Variants in FMN1 observed in about 807,000 individuals in gnomAD.
FMN1 encodes formin-1.
Under a neutral mutation model 132.4 loss-of-function variants are expected in FMN1, and 110 were observed. The ratio of observed to expected loss-of-function variants is 0.83; its 90% CI spans 0.71 to 0.97. The LOEUF (loss-of-function observed/expected upper bound fraction) is 0.97, where lower values mean the gene tolerates loss of function less well. Ranked by LOEUF, FMN1 falls within the 50% of genes least tolerant of loss-of-function variation. The probability of loss-of-function intolerance (pLI) is 0.00; values close to 1 mark genes in which losing one functional copy is unlikely to be tolerated. For synonymous variants in FMN1, 722 were observed against 651.7 expected, an observed-to-expected ratio of 1.11 and a Z score of -1.64; for missense variants, 1,792 against 1,705.3, an observed-to-expected ratio of 1.05 and a Z score of -0.90.
In FMN1 at chr15:32,770,833, A is replaced by T. The variant is rs1006508355; in HGVS notation, c.*3477T>A. ...TTATTCCACTTCTCAGATTTCAGAA[A>T]ATCTTTATAATTCCTGAGTAGTTGC... On this transcript the variant is annotated 3_prime_UTR_variant, in exon 21 of 21. Coordinates refer to ENST00000616417, the MANE Select transcript of FMN1 (RefSeq NM_001277313.2). 2.7e-5 allele frequency: 4 copies of T among 148,102 alleles called. No homozygotes were observed. Among genetic ancestry groups the T allele is most frequent in the Non-Finnish European group, 4.5e-5 (3 of 67,234 alleles). The allele number at this position is 148,102 out of a possible 1,614,324, so 9.2% of individuals were successfully genotyped here.
chr15:33,163,348 G>T (rs1324965440), intron 3 of FMN1, among the ~76,000 whole-genome samples: 1 of 150,434 alleles, frequency 6.6e-6, no homozygotes, highest in Non-Finnish European at 1.5e-5. Flanking sequence ...AGGCTGGAGC[G>T]CAATGGCACA....
intron 7 of FMN1, among the ~76,000 whole-genome samples, chr15:32,971,381 G>A (rs2031777241): frequency 6.6e-6 from 1 of 152,176 alleles, no homozygotes; most frequent in South Asian, 2.1e-4. Flanking sequence ...GATAAGCAAA[G>A]TACTGCAAAT....
At chr15:32,835,282 G>A (rs1000366000) in intron 17 of FMN1, among the ~76,000 whole-genome samples, 1 of 152,104 alleles carries the variant, frequency 6.6e-6, no homozygotes, top group South Asian at 2.1e-4. Flanking sequence ...TTAAATAAGA[G>A]GCATCTCTTA....
chr15:32,934,575 G>A (rs978375381), intron 9 of FMN1, among the ~76,000 whole-genome samples: 1 of 135,744 alleles, frequency 7.4e-6, no homozygotes, highest in African/African-American at 2.7e-5. Flanking sequence ...TTTCTCTTTT[G>A]TTTCTGAAAG....
At chr15:33,074,608 A>C (rs1278832573) in intron 5 of FMN1, among the ~76,000 whole-genome samples, 1 of 152,248 alleles carries the variant, frequency 6.6e-6, no homozygotes, top group Non-Finnish European at 1.5e-5. Context: ...AACTAGAAGA[A>C]TCTAAAAGGA....
chr15:33,177,021 G>A (rs912287705), intron 3 of FMN1, among the ~76,000 whole-genome samples: 6 of 152,172 alleles, frequency 3.9e-5, no homozygotes, highest in Admixed American at 6.5e-5. Context: ...CACTCACCAC[G>A]TACTGGCCAC....
At chr15:33,165,095 A>G (rs1413669472) in intron 3 of FMN1, among the ~76,000 whole-genome samples, 1 of 152,218 alleles carries the variant, frequency 6.6e-6, no homozygotes, top group Non-Finnish European at 1.5e-5. Flanking sequence ...TAGATAGGAG[A>G]TTCCTACTCG....
At chr15:33,077,395 A>G (rs894939015) in intron 5 of FMN1, among the ~76,000 whole-genome samples, 12 of 146,906 alleles carry the variant, frequency 8.2e-5, no homozygotes, top group African/African-American at 3.0e-4. Flanking sequence ...TTTAAGTTCT[A>G]GGGAACATGT....
intron 7 of FMN1, among the ~76,000 whole-genome samples, chr15:32,977,160 T>C (rs145085918): frequency 1.0e-3 from 157 of 152,308 alleles, no homozygotes; most frequent in African/African-American, 3.7e-3. Flanking sequence ...CATCAATGCA[T>C]ATAATTATAA....
intron 17 of FMN1, among the ~76,000 whole-genome samples, chr15:32,848,355 C>T (rs1167687435): frequency 4.9e-5 from 3 of 61,594 alleles, no homozygotes; most frequent in Admixed American, 1.9e-4. Context: ...TGCGTGCACA[C>T]GTGTGTGTGT....
At chr15:32,955,468 G>A (rs921359370) in intron 9 of FMN1, among the ~76,000 whole-genome samples, 1 of 152,116 alleles carries the variant, frequency 6.6e-6, no homozygotes, top group African/African-American at 2.4e-5. Context: ...CTTCTAGCTT[G>A]GAACTGAAGG....
chr15:33,126,457 T>A (rs1963080481), intron 4 of FMN1, among the ~76,000 whole-genome samples: 1 of 152,038 alleles, frequency 6.6e-6, no homozygotes, highest in Admixed American at 6.6e-5. Context: ...GCAGAGTGGA[T>A]CCCATAACGT....
intron 5 of FMN1, among the ~76,000 whole-genome samples, chr15:33,073,055 G>A (rs542268471): frequency 1.1e-4 from 16 of 152,202 alleles, no homozygotes; most frequent in African/African-American, 3.9e-4. Context: ...CCTAATATTA[G>A]GAGATCAGCA....
intron 4 of FMN1, among the ~76,000 whole-genome samples, chr15:33,126,694 CG>C (rs1404530909): frequency 8.2e-6 from 1 of 121,832 alleles, no homozygotes; most frequent in Non-Finnish European, 1.8e-5. Context: ...AGACAGGAAG[CG>C]AAGGCAATAA....
intron 4 of FMN1, among the ~76,000 whole-genome samples, chr15:33,138,782 G>T (rs1963880347): frequency 6.6e-6 from 1 of 152,168 alleles, no homozygotes; most frequent in Admixed American, 6.5e-5. Flanking sequence ...AGAGATGGTG[G>T]CCATAGTAGT....
intron 5 of FMN1, among the ~76,000 whole-genome samples, chr15:33,084,374 C>A (rs2038608312): frequency 6.6e-6 from 1 of 152,108 alleles, no homozygotes; most frequent in Non-Finnish European, 1.5e-5. Flanking sequence ...GTCATAGGAA[C>A]CTATTTGTAT....
chr15:33,071,682 G>A (rs2038005682), intron 5 of FMN1, among the ~76,000 whole-genome samples: 1 of 152,088 alleles, frequency 6.6e-6, no homozygotes, highest in Non-Finnish European at 1.5e-5. Context: ...AGTAACAGGA[G>A]CACGAGTAAG....
intron 7 of FMN1, 131 bp from the exon 8 acceptor site, chr15:32,969,608 A>C: frequency 9.3e-7 from 1 of 1,078,540 alleles, no homozygotes; most frequent in East Asian, 2.6e-5. Context: ...ATACAGAGAC[A>C]TTCTTTTAAG....
At chr15:32,929,013 G>T (rs1311862195) in intron 9 of FMN1, among the ~76,000 whole-genome samples, 1 of 152,206 alleles carries the variant, frequency 6.6e-6, no homozygotes, top group African/African-American at 2.4e-5. Flanking sequence ...CTTAACTGTG[G>T]AAAGGATGTT....
Sources: gnomAD v4.1 joint callset for allele counts (sites outside exome capture counted in the v4.1 genomes callset) on GRCh38, gnomAD v4.1.1 for gene constraint, MANE v1.5 for transcripts, NCBI Gene and HGNC (gene_info 2026-07-23, HGNC 2026-07-21) for gene names.